The following RINT1 variants were observed in gnomAD, a reference collection of about 807,000 sequenced individuals.
RINT1 encodes RAD50-interacting protein 1.
A neutral mutation model predicts 97.7 loss-of-function variants in RINT1; 75 were observed. The ratio of observed to expected loss-of-function variants is 0.77; its 90% CI spans 0.64 to 0.93. The LOEUF is 0.93. Ranked by LOEUF, RINT1 falls within the 40% of genes least tolerant of loss-of-function variation. The pLI, the probability that RINT1 is intolerant of heterozygous loss-of-function variation, is 0.00. For synonymous variants in RINT1, 303 were observed against 326.3 expected, an observed-to-expected ratio of 0.93 and a Z score of 0.77; for missense variants, 892 against 925.2, an observed-to-expected ratio of 0.96 and a Z score of 0.47.
intron 1 of RINT1, 47 bp from the exon 2 acceptor site, chr7:105,532,777 C>T (rs772982675): frequency 1.2e-6 from 2 of 1,602,998 alleles, no homozygotes; most frequent in African/African-American, 2.7e-5. Context: ...TGCTTTCCAT[C>T]CACGACTTTA....
intron 11 of RINT1, among the ~76,000 whole-genome samples, chr7:105,557,476 A>G (rs1038805850): frequency 2.0e-5 from 3 of 152,130 alleles, no homozygotes; most frequent in East Asian, 1.9e-4. Context: ...AAAACAGGAA[A>G]TAAAAGCGGA....
intron 12 of RINT1, among the ~76,000 whole-genome samples, chr7:105,564,338 C>A (rs375178978): frequency 6.6e-6 from 1 of 152,150 alleles, no homozygotes; most frequent in Non-Finnish European, 1.5e-5. Context: ...CCACCTGCCT[C>A]GGCCTCCCAA....
At position 105,534,089 on chromosome 7, in the gene RINT1, G is replaced by A. The variant is rs74856154; in HGVS notation, c.88+1220G>A. On this transcript the variant is annotated intron_variant, in intron 2 of 14. Coordinates refer to ENST00000257700, the MANE Select transcript of RINT1 (RefSeq NM_021930.6). ...CAAGGGTGTAATTTTTTTTTTTTTT[G>A]AGACTTAGTCTCACTCTGTCTCTCA... Among the ~76,000 whole-genome samples, 879 of 132,114 alleles carry A rather than the reference G, an allele frequency of 6.7e-3. 15 individuals are homozygous for A. Among genetic ancestry groups the A allele is most frequent in the East Asian group, 0.038 (183 of 4,772 alleles). The allele number at this position is 132,114 out of a possible 152,430, so 86.7% of individuals were successfully genotyped here. A position where few individuals can be genotyped will look rare whatever the true frequency, so the allele number is the denominator to read the frequency against.
chr7:105,543,683 C>T (rs1790548791), intron 4 of RINT1, among the ~76,000 whole-genome samples: 1 of 152,142 alleles, frequency 6.6e-6, no homozygotes, highest in Non-Finnish European at 1.5e-5. Context: ...TCAAATGTAT[C>T]ATAGTTAATA....
chr7:105,539,173 T>G (rs1036719821), intron 3 of RINT1, among the ~76,000 whole-genome samples: 2 of 152,164 alleles, frequency 1.3e-5, no homozygotes, highest in African/African-American at 2.4e-5. Context: ...AAAACTATAC[T>G]GATCCATTTT....
chr7:105,558,490 T>C (rs1238483472), intron 11 of RINT1, among the ~76,000 whole-genome samples: 1 of 152,312 alleles, frequency 6.6e-6, no homozygotes, highest in East Asian at 1.9e-4. Flanking sequence ...ATGAAATTAT[T>C]TGTAGAACAT....
chr7:105,552,163 A>G (rs1790956451), intron 10 of RINT1, among the ~76,000 whole-genome samples: 2 of 152,256 alleles, frequency 1.3e-5, no homozygotes, highest in South Asian at 2.1e-4. Context: ...ATCTAACACA[A>G]TATTCTAACT....
At chr7:105,560,870 G>C (rs973728062) in intron 11 of RINT1, among the ~76,000 whole-genome samples, 2 of 151,808 alleles carry the variant, frequency 1.3e-5, no homozygotes, top group Non-Finnish European at 2.9e-5. Context: ...ACAGGTGTGC[G>C]CCACCATGCC....
At chr7:105,558,678 A>G (rs915122330) in intron 11 of RINT1, among the ~76,000 whole-genome samples, 1 of 152,114 alleles carries the variant, frequency 6.6e-6, no homozygotes, top group African/African-American at 2.4e-5. Flanking sequence ...ACAAAAAATT[A>G]GCTGAGCATG....
At chr7:105,562,213 G>C (rs1043111020) in intron 11 of RINT1, among the ~76,000 whole-genome samples, 1 of 152,138 alleles carries the variant, frequency 6.6e-6, no homozygotes, top group Non-Finnish European at 1.5e-5. Flanking sequence ...ATGTAACATG[G>C]TACAGTTGCT....
At chr7:105,542,723 C>T in intron 4 of RINT1, 74 bp downstream of exon 4, 4 of 1,430,080 alleles carry the variant, frequency 2.8e-6, no homozygotes, top group East Asian at 4.8e-5. Context: ...ACATGTGTGC[C>T]ATTAAATAAT....
intron 3 of RINT1, among the ~76,000 whole-genome samples, chr7:105,537,235 A>G (rs896171056): frequency 3.3e-5 from 5 of 151,396 alleles, no homozygotes; most frequent in African/African-American, 4.9e-5. Flanking sequence ...GGTTCAAGCA[A>G]TTCTCCTGCC....
chr7:105,542,722 C>A, intron 4 of RINT1, 73 bp downstream of exon 4: 1 of 1,429,994 alleles, frequency 7.0e-7, no homozygotes, highest in Non-Finnish European at 9.3e-7. Flanking sequence ...TACATGTGTG[C>A]CATTAAATAA....
chr7:105,565,507 A>G, intron 13 of RINT1, 23 bp from the exon 14 acceptor site: 2 of 1,610,676 alleles, frequency 1.2e-6, no homozygotes, highest in Non-Finnish European at 1.7e-6. Flanking sequence ...GACAACTGTT[A>G]TATGAATTAT....
intron 14 of RINT1, among the ~76,000 whole-genome samples, chr7:105,565,884 T>TAGAA (rs1436467206): frequency 6.6e-6 from 1 of 152,212 alleles, no homozygotes; most frequent in East Asian, 1.9e-4. Context: ...TTTTGTTTTC[T>TAGAA]AGTATTTGGT....
chr7:105,532,823 G>C lies in RINT1; in HGVS notation c.43-1G>C. ...GCTTGTCACATCTGTTCTTCTTCTA[G>C]TGCTGCTCTGAAAGTGGTGACGAAA... On this transcript the variant is annotated splice_acceptor_variant, in intron 1 of 14. Coordinates refer to ENST00000257700, the MANE Select transcript of RINT1 (RefSeq NM_021930.6). LOFTEE classifies it high-confidence loss of function. 1 of 1,614,090 alleles carries C rather than the reference G, an allele frequency of 6.2e-7. No homozygotes were observed. Among genetic ancestry groups the C allele is most frequent in the Middle Eastern group, 1.6e-4 (1 of 6,062 alleles).
chr7:105,533,882 A>G (rs1436798445), intron 2 of RINT1, among the ~76,000 whole-genome samples: 1 of 152,198 alleles, frequency 6.6e-6, no homozygotes, highest in East Asian at 1.9e-4. Context: ...GATGTAGACT[A>G]TCATATCAAG....
At position 105,550,365 on chromosome 7, in the gene RINT1, A is replaced by G. The variant is rs1790875618; in HGVS notation, c.1212A>G (p.Glu404=). The change falls in exon 9 of 15, where the codon GAA becomes GAG. Residue 404 remains glutamate (E), a synonymous_variant. Transcript: ENST00000257700. The part of the protein sequence containing the change: ...DDNLFCHLVD[E]VLLFERELHS... ...ATCTCTTCTGTCATTTGGTGGATGA[A>G]GTACTCTTGTTTGAAAGGGAGCTAC... 7 of 1,613,966 alleles carry G rather than the reference A, an allele frequency of 4.3e-6. No homozygotes were observed. The highest frequency in any genetic ancestry group is 5.9e-6 in the Non-Finnish European group (7 of 1,179,986).
intron 2 of RINT1, among the ~76,000 whole-genome samples, chr7:105,533,119 G>A (rs548648335): frequency 6.6e-6 from 1 of 152,148 alleles, no homozygotes; most frequent in Non-Finnish European, 1.5e-5. Flanking sequence ...GTTTTCGCTG[G>A]AAGTCTGCCT....
Sources: gnomAD v4.1 joint callset for allele counts (sites outside exome capture counted in the v4.1 genomes callset) on GRCh38, gnomAD v4.1.1 for gene constraint, MANE v1.5 for transcripts, NCBI Gene and HGNC (gene_info 2026-07-23, HGNC 2026-07-21) for gene names.